The following PRKAG2 variants were observed in gnomAD, a reference collection of about 807,000 sequenced individuals.
PRKAG2 encodes the protein protein kinase AMP-activated non-catalytic subunit gamma 2, also known as 5'-AMP-activated protein kinase subunit gamma-2.
A neutral mutation model predicts 69.6 loss-of-function variants in PRKAG2; 26 were observed. The observed-to-expected ratio is 0.37, with a 90% CI of 0.27 to 0.52. The LOEUF (loss-of-function observed/expected upper bound fraction) is 0.52. PRKAG2 is among the 20% of genes least tolerant of loss of function. The pLI, the probability that PRKAG2 is intolerant of heterozygous loss-of-function variation, is 0.90. For missense variants in PRKAG2, 557 were observed against 740.0 expected, an observed-to-expected ratio of 0.75 and a Z score of 2.87; for synonymous variants, 293 against 285.0, an observed-to-expected ratio of 1.03 and a Z score of -0.28.
In PRKAG2 at chr7:151,557,198, C is replaced by A; in HGVS notation, c.*3G>T. ...CCTCCTAGGGCGTCTACATTCACGG[C>A]GGTCACTCCGTTTCTGTCTCCTTTT... On this transcript the variant is annotated 3_prime_UTR_variant, in exon 16 of 16. Coordinates refer to ENST00000287878, the MANE Select transcript of PRKAG2 (RefSeq NM_016203.4). The A allele has an allele frequency of 1.2e-6, 2 of 1,614,148 alleles. No homozygotes were observed. The highest frequency in any genetic ancestry group is 1.7e-6 in the Non-Finnish European group (2 of 1,180,008).
At chr7:151,580,057 AG>A (rs1210799006) in intron 6 of PRKAG2, among the ~76,000 whole-genome samples, 1 of 152,184 alleles carries the variant, frequency 6.6e-6, no homozygotes, top group African/African-American at 2.4e-5. Context: ...GAAATACTTA[AG>A]GGAGGCCAGG....
At chr7:151,789,133 G>A (rs1044426283) in intron 1 of PRKAG2, among the ~76,000 whole-genome samples, 1 of 151,778 alleles carries the variant, frequency 6.6e-6, no homozygotes, top group Non-Finnish European at 1.5e-5. Flanking sequence ...CCCTATTTAG[G>A]GTCCCTTAAG....
At chr7:151,646,313 C>T (rs1401959051) in intron 4 of PRKAG2, among the ~76,000 whole-genome samples, 8 of 152,202 alleles carry the variant, frequency 5.3e-5, no homozygotes, top group Admixed American at 5.2e-4. Flanking sequence ...AATCCATGAT[C>T]ATGGCATATC....
chr7:151,628,166 T>C (rs1192448791), intron 5 of PRKAG2, among the ~76,000 whole-genome samples: 1 of 152,164 alleles, frequency 6.6e-6, no homozygotes, highest in African/African-American at 2.4e-5. Context: ...TGGGAGAGAA[T>C]GCGGACCGCT....
rs114665987 is a variant in PRKAG2 at position 151,784,410 on chromosome 7, C to T, written c.186+2060G>A. On this transcript the variant is annotated intron_variant, in intron 2 of 15. Coordinates refer to ENST00000287878, the MANE Select transcript of PRKAG2 (RefSeq NM_016203.4). ...GGCCCCAGGAGAGCTTGCAGAGTGC[C>T]CACAAGGCCGAAGCACCATAAGCAC... is the stretch of plus-strand genomic sequence containing the variant. Among the ~76,000 whole-genome samples, 351 of 152,248 alleles carry T rather than the reference C, an allele frequency of 2.3e-3. 1 individual carries two copies. Among genetic ancestry groups the T allele is most frequent in the African/African-American group, 8.2e-3 (340 of 41,556 alleles).
At chr7:151,566,976 C>T (rs1806402441) in intron 11 of PRKAG2, among the ~76,000 whole-genome samples, 1 of 152,178 alleles carries the variant, frequency 6.6e-6, no homozygotes. Flanking sequence ...TGAGGCAGTA[C>T]TGGGCAGAGG....
At chr7:151,833,950 T>C (rs562200031) in intron 1 of PRKAG2, among the ~76,000 whole-genome samples, 1 of 152,162 alleles carries the variant, frequency 6.6e-6, no homozygotes, top group Non-Finnish European at 1.5e-5. Flanking sequence ...CATCTCTCCT[T>C]CCTCTAGGAG....
rs1837278200 is a variant in PRKAG2 at position 151,699,369 on chromosome 7, GA to G, written c.467-23733del. 6.6e-6 allele frequency among the ~76,000 whole-genome samples: 1 copy of G among 152,150 alleles called. No individual in the cohort carries two copies. Among genetic ancestry groups the G allele is most frequent in the African/African-American group, 2.4e-5 (1 of 41,432 alleles). On this transcript the variant is annotated intron_variant, in intron 3 of 15. Coordinates refer to ENST00000287878, the MANE Select transcript of PRKAG2 (RefSeq NM_016203.4). This position sits in a 1 kb window ranked among gnomAD's most constrained non-coding sequence, Gnocchi z 4.5. ...GCTGGCCGGATGCCTGTGTGGTTAC[GA>G]TCCGGTTACATCTCAGCCCCCTGCT...
At chr7:151,738,668 C>T (rs1254835145) in intron 3 of PRKAG2, among the ~76,000 whole-genome samples, 1 of 152,230 alleles carries the variant, frequency 6.6e-6, no homozygotes, top group East Asian at 1.9e-4. Flanking sequence ...TTAATTCGGC[C>T]CATCCCTTTG....
Position 151,807,181 on chromosome 7 carries a change from AC to A in PRKAG2, c.115-20641del. ...CACATGACTGTGCACACTTACGACA[AC>A]CCATCTAATTGTATACTGTCAGTCA... On this transcript the variant is annotated intron_variant, in intron 1 of 15. Transcript: ENST00000287878. The surrounding 1 kb of genome is among the most constrained non-coding windows in gnomAD (Gnocchi z 4.4). 2.7e-6 allele frequency: 1 copy of A among 367,864 alleles called. No individual in the cohort carries two copies. Among genetic ancestry groups the A allele is most frequent in the South Asian group, 2.0e-5 (1 of 48,892 alleles). 22.8% of individuals were successfully genotyped at this position (367,864 alleles called of 1,614,324 possible). A position where few individuals can be genotyped will look rare whatever the true frequency, so the allele number is the denominator to read the frequency against.
chr7:151,822,344 C>T (rs1445439927), intron 1 of PRKAG2, among the ~76,000 whole-genome samples: 1 of 151,766 alleles, frequency 6.6e-6, no homozygotes, highest in Non-Finnish European at 1.5e-5. Context: ...GGGTCAAGGG[C>T]GGGGGGTGAC....
rs573590539 is a variant in PRKAG2 at position 151,625,592 on chromosome 7, T to C, written c.754+6477A>G. On this transcript the variant is annotated intron_variant, in intron 5 of 15. Transcript: ENST00000287878. Reference sequence around the variant, plus strand: ...GCAGGTGCTGGGAGAGCTTGGCTGCTGGAACGGTCCATAGGAAGATGACAC... The same window carrying C: ...GCAGGTGCTGGGAGAGCTTGGCTGCCGGAACGGTCCATAGGAAGATGACAC... 7.0e-4 allele frequency among the ~76,000 whole-genome samples: 107 copies of C among 152,240 alleles called. 1 individual carries two copies. Among genetic ancestry groups the C allele is most frequent in the South Asian group, 1.5e-3 (7 of 4,822 alleles).
rs1586626392 is a variant in PRKAG2 at position 151,807,916 on chromosome 7, C to T, written c.115-21375G>A. On this transcript the variant is annotated intron_variant, in intron 1 of 15. Coordinates refer to ENST00000287878, the MANE Select transcript of PRKAG2 (RefSeq NM_016203.4). This position sits in a 1 kb window ranked among gnomAD's most constrained non-coding sequence, Gnocchi z 4.4. ...AGTCGGGGGAAGCCTGTAGTGGGGA[C>T]GCTAGACTCAAGGGAAGGCTCTGGA... Among the ~76,000 whole-genome samples the T allele has an allele frequency of 6.6e-6, 1 of 152,100 alleles. No individual in the cohort carries two copies. Among genetic ancestry groups the T allele is most frequent in the Non-Finnish European group, 1.5e-5 (1 of 68,016 alleles).
At chr7:151,721,437 C>A (rs1253660730) in intron 3 of PRKAG2, among the ~76,000 whole-genome samples, 1 of 152,018 alleles carries the variant, frequency 6.6e-6, no homozygotes, top group Non-Finnish European at 1.5e-5. Context: ...CTATGGGGCC[C>A]AGCTGGGGTG....
At chr7:151,775,052 ATCGCCCTCCATGGG>A (rs1320603629) in intron 3 of PRKAG2, among the ~76,000 whole-genome samples, 12 of 152,212 alleles carry the variant, frequency 7.9e-5, no homozygotes, top group African/African-American at 2.9e-4. Flanking sequence ...GTGAGGCTGC[ATCGCCCTCCATGGG>A]GGAAGCAGCT....
At chr7:151,820,601 GCTCCGTGGCCTGGCCCCTCTGGCT>G (rs2078746445) in intron 1 of PRKAG2, among the ~76,000 whole-genome samples, 1 of 40,508 alleles carries the variant, frequency 2.5e-5, no homozygotes. Context: ...TCGGAACACC[GCTCCGTGGCCTGGCCCCTCTGGCT>G]ACTGCAGGGC....
intron 6 of PRKAG2, among the ~76,000 whole-genome samples, chr7:151,584,985 C>T (rs189267624): frequency 3.8e-4 from 58 of 152,190 alleles, no homozygotes; most frequent in African/African-American, 1.1e-3. Context: ...TCTAGCGGGA[C>T]GTCACCTGCC....
At chr7:151,652,799 T>C (rs986850451) in intron 4 of PRKAG2, among the ~76,000 whole-genome samples, 28 of 152,092 alleles carry the variant, frequency 1.8e-4, no homozygotes, top group Non-Finnish European at 2.2e-4. Flanking sequence ...CTAATTTTTC[T>C]GTAGTGATGG....
intron 3 of PRKAG2, among the ~76,000 whole-genome samples, chr7:151,700,257 A>G (rs6947064): frequency 0.34 from 52,253 of 152,028 alleles, 9,258 homozygotes; most frequent in Non-Finnish European, 0.37. Context: ...TGCTGGGGAC[A>G]GTGAACACGA....
Sources: gnomAD v4.1 joint callset for allele counts (sites outside exome capture counted in the v4.1 genomes callset) on GRCh38, gnomAD v4.1.1 for gene constraint, Gnocchi (gnomAD v3.1) non-coding constraint, MANE v1.5 for transcripts, NCBI Gene and HGNC (gene_info 2026-07-23, HGNC 2026-07-21) for gene names.